APBB2: variants seen among roughly 807,000 people sequenced by gnomAD.
The protein encoded by APBB2 is amyloid beta precursor protein binding family B member 2, also known as Fe65-like 1.
APBB2 carries 38 observed loss-of-function variants against 82.5 expected under a neutral mutation model. The ratio of observed to expected loss-of-function variants is 0.46; its 90% CI spans 0.36 to 0.60. The LOEUF is 0.60. Among genes scored for constraint, APBB2 ranks in the 20% least tolerant of loss-of-function variants. The pLI, the probability that APBB2 is intolerant of heterozygous loss-of-function variation, is 0.00. For synonymous variants in APBB2, 341 were observed against 368.2 expected (o/e 0.93, Z 0.85); for missense variants, 772 against 972.3 (o/e 0.79, Z 2.74).
intron 13 of APBB2, among the ~76,000 whole-genome samples, chr4:40,830,162 C>G (rs995916238): frequency 6.7e-6 from 1 of 149,642 alleles, no homozygotes; most frequent in Non-Finnish European, 1.5e-5. Flanking sequence ...TAGAGCGATG[C>G]CTGCCCTGCA....
At position 40,831,967 on chromosome 4, in the gene APBB2, G is replaced by T. The variant is rs576569704; in HGVS notation, c.1530-1390C>A. 1.4e-4 allele frequency among the ~76,000 whole-genome samples: 21 copies of T among 149,820 alleles called. No individual in the cohort carries two copies. The South Asian group carries it at 4.4e-3, about 31-fold the overall frequency. ...TAACATTGGAAGACAGCAGTTCAAA[G>T]ATGAAAGTGTTTTTACACACACACA... On this transcript the variant is annotated intron_variant, in intron 12 of 17. Transcript: ENST00000508593.
At chr4:40,955,152 G>T (rs951160307) in intron 6 of APBB2, among the ~76,000 whole-genome samples, 1 of 152,142 alleles carries the variant, frequency 6.6e-6, no homozygotes, top group Non-Finnish European at 1.5e-5. Context: ...GGATAGGGTG[G>T]GCTATTTAAG....
At chr4:40,866,996 T>G (rs1764196395) in intron 12 of APBB2, among the ~76,000 whole-genome samples, 1 of 152,244 alleles carries the variant, frequency 6.6e-6, no homozygotes, top group Admixed American at 6.5e-5. Context: ...CCTCAACTGA[T>G]CTGCCTGCCT....
At chr4:40,988,229 G>T (rs1013652485) in intron 6 of APBB2, among the ~76,000 whole-genome samples, 3 of 152,266 alleles carry the variant, frequency 2.0e-5, no homozygotes, top group Middle Eastern at 3.4e-3. Context: ...TAACCCAAAT[G>T]TGTTATTCCC....
chr4:40,949,006 C>T (rs546100425), intron 6 of APBB2, among the ~76,000 whole-genome samples: 13 of 151,926 alleles, frequency 8.6e-5, no homozygotes, highest in East Asian at 7.7e-4. Flanking sequence ...AGGCCAGGCA[C>T]GGTGGCTCAT....
intron 10 of APBB2, among the ~76,000 whole-genome samples, chr4:40,909,492 C>T (rs576133932): frequency 3.9e-5 from 6 of 152,238 alleles, no homozygotes; most frequent in Admixed American, 2.6e-4. Context: ...CAGAGACACG[C>T]CTCCGGGTTG....
chr4:41,019,186 G>A (rs1189399319), intron 5 of APBB2, among the ~76,000 whole-genome samples: 2 of 152,128 alleles, frequency 1.3e-5, no homozygotes, highest in East Asian at 3.9e-4. Flanking sequence ...TTTACGGGAG[G>A]GACTTTATAC....
rs183624801 is a variant in APBB2, at chr4:40,951,957, G to C, written c.836-6884C>G. Among the ~76,000 whole-genome samples the C allele has an allele frequency of 3.0e-3, 461 of 152,120 alleles. 3 individuals are homozygous for C. The highest frequency in any genetic ancestry group is 0.011 in the African/African-American group (437 of 41,514). ...TACTAGCACTTTGAGAGGCCAAGGG[G>C]GGGTGGATCACCTGAGGTCAGGAGT... On this transcript the variant is annotated intron_variant, in intron 6 of 17. Coordinates refer to ENST00000508593, the MANE Select transcript of APBB2 (RefSeq NM_004307.2).
intron 2 of APBB2, among the ~76,000 whole-genome samples, chr4:41,110,769 A>T (rs779404866): frequency 1.3e-5 from 2 of 152,144 alleles, no homozygotes; most frequent in Non-Finnish European, 2.9e-5. Flanking sequence ...AGTATGTTCT[A>T]GAGCAGCGGT....
intron 6 of APBB2, among the ~76,000 whole-genome samples, chr4:40,968,739 C>T (rs927617116): frequency 2.0e-5 from 3 of 152,146 alleles, no homozygotes; most frequent in African/African-American, 7.2e-5. Context: ...GTTCATTCTT[C>T]AAGGGTCACT....
chr4:40,872,819 T>C (rs992865278), intron 12 of APBB2, among the ~76,000 whole-genome samples: 3 of 150,998 alleles, frequency 2.0e-5, no homozygotes, highest in African/African-American at 7.3e-5. Flanking sequence ...GGTGCAGTGG[T>C]TCACACTTGT....
chr4:41,212,292 C>T (rs974491350), intron 1 of APBB2, among the ~76,000 whole-genome samples: 1 of 152,170 alleles, frequency 6.6e-6, no homozygotes, highest in Non-Finnish European at 1.5e-5. Context: ...TCAGTATTCA[C>T]ATTACTCCAG....
rs1228907793 is a variant in APBB2 at position 40,854,632 on chromosome 4, C to CA, written c.1530-24056dup. ...CGAAACCCTGTCTCTACTAAAAATA[C>CA]AAAAAAATTAGCCATGTGTGGTGGC... On this transcript the variant is annotated intron_variant, in intron 12 of 17. Coordinates refer to ENST00000508593, the MANE Select transcript of APBB2 (RefSeq NM_004307.2). Among the ~76,000 whole-genome samples, 6 of 151,738 alleles carry CA rather than the reference C, an allele frequency of 4.0e-5. No homozygotes were observed. The Middle Eastern group carries it at 0.01, about 260-fold the overall frequency.
intron 4 of APBB2, among the ~76,000 whole-genome samples, chr4:41,043,640 C>T (rs1432746872): frequency 2.0e-5 from 3 of 152,170 alleles, no homozygotes; most frequent in African/African-American, 7.2e-5. Flanking sequence ...GCTTGTTACC[C>T]TAGAAGGCCC....
rs557203846 is a variant in APBB2, at chr4:41,087,122, AGACT to A, written c.-149+13513_-149+13516del. Among the ~76,000 whole-genome samples, 42 of 152,322 alleles carry A rather than the reference AGACT, an allele frequency of 2.8e-4. No individual in the cohort carries two copies. The South Asian group carries it at 8.3e-3, about 30-fold the overall frequency. ...ACCACTGCACTCCAGTCTGGGAGACAGACTGAGGCCCTTTCTCTAAAAAATAAAT... is the reference window on the plus strand; with the variant it reads ...ACCACTGCACTCCAGTCTGGGAGACAGAGGCCCTTTCTCTAAAAAATAAAT... On this transcript the variant is annotated intron_variant, in intron 3 of 17. Transcript: ENST00000508593.
chr4:41,010,635 G>A lies in APBB2; in HGVS notation c.835+2948C>T, dbSNP rs537242292. Among the ~76,000 whole-genome samples the A allele has an allele frequency of 1.3e-5, 2 of 152,306 alleles. 1 individual carries two copies. The highest frequency in any genetic ancestry group is 4.8e-5 in the African/African-American group (2 of 41,572). On this transcript the variant is annotated intron_variant, in intron 6 of 17. Transcript: ENST00000508593. ...ACACCAGCACTCAATAAGCCAAGGGGCTATGGACAGAAATACCTAAATACT... is the reference window on the plus strand; with the variant it reads ...ACACCAGCACTCAATAAGCCAAGGGACTATGGACAGAAATACCTAAATACT...
intron 12 of APBB2, among the ~76,000 whole-genome samples, chr4:40,884,323 C>G (rs980821027): frequency 2.0e-5 from 3 of 152,172 alleles, no homozygotes; most frequent in Admixed American, 6.5e-5. Flanking sequence ...ACCTATGAGT[C>G]AAAGTTTTGC....
intron 1 of APBB2, among the ~76,000 whole-genome samples, chr4:41,203,549 A>T (rs376987753): frequency 2.6e-5 from 4 of 151,994 alleles, no homozygotes; most frequent in Non-Finnish European, 5.9e-5. Flanking sequence ...GAACATGGAG[A>T]CCCTCTCCAC....
intron 1 of APBB2, among the ~76,000 whole-genome samples, chr4:41,174,761 G>A (rs1769307000): frequency 6.6e-6 from 1 of 152,134 alleles, no homozygotes; most frequent in Admixed American, 6.5e-5. Flanking sequence ...ACATATGATA[G>A]TTTAAGGTTA....
Sources: allele counts gnomAD v4.1 joint callset (sites outside exome capture counted in the v4.1 genomes callset), GRCh38; gene constraint gnomAD v4.1.1; transcripts MANE v1.5; gene names NCBI Gene and HGNC (gene_info 2026-07-23, HGNC 2026-07-21).